SENP7: variants seen among roughly 807,000 people sequenced by gnomAD.
The protein encoded by SENP7 is SUMO specific peptidase 7.
SENP7 carries 64 observed loss-of-function variants against 141.2 expected under a neutral mutation model. The ratio of observed to expected loss-of-function variants is 0.45; its 90% CI spans 0.37 to 0.56. The LOEUF (loss-of-function observed/expected upper bound fraction) is 0.56, where lower values mean the gene tolerates loss of function less well. Among genes scored for constraint, SENP7 ranks in the 20% least tolerant of loss-of-function variants. SENP7 has a pLI of 0.00. For synonymous variants in SENP7, 382 were observed against 426.4 expected (o/e 0.90, Z 1.28); for missense variants, 1,025 against 1,212.2 (o/e 0.85, Z 2.29).
At chr3:101,412,812 A>G (rs1334709973) in intron 5 of SENP7, among the ~76,000 whole-genome samples, 1 of 152,152 alleles carries the variant, frequency 6.6e-6, no homozygotes, top group African/African-American at 2.4e-5. Flanking sequence ...GAAAATAGAT[A>G]TGAACCATAC....
At chr3:101,435,610 A>G (rs2107738182) in intron 4 of SENP7, among the ~76,000 whole-genome samples, 1 of 152,270 alleles carries the variant, frequency 6.6e-6, no homozygotes, top group Non-Finnish European at 1.5e-5. Context: ...ATCAACATAC[A>G]AAAGTCAGCA....
At chr3:101,389,514 G>GA (rs1024267875) in intron 6 of SENP7, among the ~76,000 whole-genome samples, 130 of 147,090 alleles carry the variant, frequency 8.8e-4, no homozygotes, top group African/African-American at 2.9e-3. Context: ...AGTACTAAAA[G>GA]AAAAAAAAAA....
chr3:101,505,398 T>C (rs564810729), intron 1 of SENP7, among the ~76,000 whole-genome samples: 11 of 152,360 alleles, frequency 7.2e-5, no homozygotes, highest in Non-Finnish European at 1.5e-4. Context: ...TAAATTTTAA[T>C]TTACAAATTT....
At chr3:101,420,842 T>G (rs2061770892) in intron 4 of SENP7, among the ~76,000 whole-genome samples, 2 of 152,070 alleles carry the variant, frequency 1.3e-5, no homozygotes, top group South Asian at 4.1e-4. Flanking sequence ...TCCTCAAAAC[T>G]CAATGTGATG....
chr3:101,384,344 C>A (rs546798053), intron 6 of SENP7, among the ~76,000 whole-genome samples: 4 of 152,352 alleles, frequency 2.6e-5, no homozygotes, highest in African/African-American at 7.2e-5. Context: ...TGCCACGTTG[C>A]GGGTGACTAG....
intron 4 of SENP7, among the ~76,000 whole-genome samples, chr3:101,434,321 T>A (rs9832573): frequency 0.4 from 59,978 of 150,104 alleles, 12,338 homozygotes; most frequent in Admixed American, 0.54. Context: ...AATGCATACA[T>A]CAAAAAAAAG....
At chr3:101,404,387 C>A (rs1024057225) in intron 5 of SENP7, among the ~76,000 whole-genome samples, 1 of 152,006 alleles carries the variant, frequency 6.6e-6, no homozygotes, top group Non-Finnish European at 1.5e-5. Context: ...TGAAATTGAA[C>A]CCGATTTTTA....
In SENP7 at chr3:101,508,863, C is replaced by T. The variant is rs984010340; in HGVS notation, c.40+4228G>A. 2.0e-5 allele frequency among the ~76,000 whole-genome samples: 3 copies of T among 152,176 alleles called. No homozygotes were observed. The East Asian group carries it at 5.8e-4, about 29-fold the overall frequency. On this transcript the variant is annotated intron_variant, in intron 1 of 23. Coordinates refer to ENST00000394095, the MANE Select transcript of SENP7 (RefSeq NM_020654.5). ...ACTATAAAACTCACACTTGCTATAA[C>T]TAAGACTGCAAGAGTACTTAATATA...
At chr3:101,336,000 A>C (rs1410235912) in intron 17 of SENP7, among the ~76,000 whole-genome samples, 1 of 152,148 alleles carries the variant, frequency 6.6e-6, no homozygotes, top group Non-Finnish European at 1.5e-5. Context: ...TGGTATACGC[A>C]CTCGTTGTCT....
intron 3 of SENP7, among the ~76,000 whole-genome samples, chr3:101,459,458 T>C (rs2063476392): frequency 6.6e-6 from 1 of 152,134 alleles, no homozygotes; most frequent in South Asian, 2.1e-4. Flanking sequence ...ATGTGGAAAA[T>C]TTTAGGAAAG....
chr3:101,499,430 G>A (rs574839676), intron 2 of SENP7, among the ~76,000 whole-genome samples: 8 of 152,060 alleles, frequency 5.3e-5, no homozygotes, highest in South Asian at 2.1e-4. Flanking sequence ...GTGCAATGGC[G>A]CAATCTCGGC....
intron 3 of SENP7, among the ~76,000 whole-genome samples, chr3:101,462,647 C>T (rs954142551): frequency 2.6e-5 from 4 of 151,364 alleles, no homozygotes; most frequent in African/African-American, 4.9e-5. Context: ...GTGGATGGAT[C>T]GCTAGAGGCC....
At chr3:101,329,979 GA>G in intron 20 of SENP7, among the ~76,000 whole-genome samples, 1 of 148,250 alleles carries the variant, frequency 6.7e-6, no homozygotes, top group Admixed American at 6.7e-5. Context: ...AAGGAAGAAA[GA>G]AAGAAAATAA....
intron 5 of SENP7, among the ~76,000 whole-genome samples, chr3:101,413,732 A>G (rs1177117760): frequency 2.1e-5 from 3 of 146,276 alleles, no homozygotes; most frequent in South Asian, 2.5e-4. Context: ...AAAAAAAAAA[A>G]GGGAGGGGGG....
intron 14 of SENP7, among the ~76,000 whole-genome samples, 171 bp downstream of exon 14, chr3:101,343,515 C>CA (rs1214921853): frequency 1.3e-5 from 2 of 151,944 alleles, no homozygotes; most frequent in Non-Finnish European, 2.9e-5. Context: ...CCCATGCTGT[C>CA]ATTATTGATT....
intron 4 of SENP7, among the ~76,000 whole-genome samples, chr3:101,434,612 C>G (rs72942240): frequency 0.011 from 1,603 of 152,032 alleles, 22 homozygotes; most frequent in African/African-American, 0.036. Context: ...TACAGAAATT[C>G]AGAGGATCAT....
At chr3:101,401,283 C>T (rs974166527) in intron 5 of SENP7, among the ~76,000 whole-genome samples, 4 of 151,896 alleles carry the variant, frequency 2.6e-5, no homozygotes, top group African/African-American at 9.7e-5. Flanking sequence ...AATCCTAGCA[C>T]TTAGGGAGGC....
intron 4 of SENP7, among the ~76,000 whole-genome samples, chr3:101,450,890 C>A (rs987700797): frequency 4.0e-5 from 6 of 151,304 alleles, no homozygotes; most frequent in Admixed American, 2.6e-4. Context: ...AAATAGAGAC[C>A]CAAAAAACCC....
At chr3:101,503,606 A>T (rs1547583) in intron 1 of SENP7, among the ~76,000 whole-genome samples, 62,007 of 152,084 alleles carry the variant, frequency 0.41, 13,065 homozygotes, top group Admixed American at 0.54. Flanking sequence ...TCTATTTCTC[A>T]GAAATTCAAG....
Sources: gnomAD v4.1 joint callset for allele counts (sites outside exome capture counted in the v4.1 genomes callset) on GRCh38, gnomAD v4.1.1 for gene constraint, MANE v1.5 for transcripts, NCBI Gene and HGNC (gene_info 2026-07-23, HGNC 2026-07-21) for gene names.